The following KIF26B variants were observed in gnomAD, a reference collection of about 807,000 sequenced individuals.
The protein encoded by KIF26B is kinesin-like protein KIF26B.
Under a neutral mutation model 151.2 loss-of-function variants are expected in KIF26B, and 63 were observed. That is an observed-to-expected ratio of 0.42 (90% CI 0.34 to 0.51). The LOEUF is 0.51. Among genes scored for constraint, KIF26B ranks in the 20% least tolerant of loss-of-function variants. KIF26B has a pLI of 0.07. For missense variants in KIF26B, 2,813 were observed against 2,913.6 expected (o/e 0.97, Z 0.79); for synonymous variants, 1,357 against 1,262.1 (o/e 1.08, Z -1.59).
Position 245,707,459 on chromosome 1 carries a change from T to G in KIF26B, c.*4853T>G, listed in dbSNP as rs983111194. The G allele has an allele frequency of 1.3e-5, 2 of 152,264 alleles. No homozygotes were observed. The highest frequency in any genetic ancestry group is 2.9e-5 in the Non-Finnish European group (2 of 68,048). The allele number at this position is 152,264 out of a possible 1,614,324, so 9.4% of individuals were successfully genotyped here. ...TTTGATTTATGAAGAAGTTCTAATT[T>G]ATTTGTGAACTCAGGATGTTGCTTT... On this transcript the variant is annotated 3_prime_UTR_variant, in exon 15 of 15. Transcript: ENST00000407071.
At chr1:245,445,648 A>G (rs1659233664) in intron 4 of KIF26B, among the ~76,000 whole-genome samples, 2 of 152,244 alleles carry the variant, frequency 1.3e-5, no homozygotes, top group Non-Finnish European at 2.9e-5. Flanking sequence ...GATCATAAGC[A>G]TAGTGTATAC....
At chr1:245,372,249 C>A (rs139471260) in intron 3 of KIF26B, among the ~76,000 whole-genome samples, 8 of 152,150 alleles carry the variant, frequency 5.3e-5, no homozygotes, top group African/African-American at 1.9e-4. Context: ...AATCTAATGC[C>A]TGATGATCTG....
intron 2 of KIF26B, among the ~76,000 whole-genome samples, chr1:245,231,675 A>AAGG (rs980674506): frequency 6.6e-6 from 1 of 152,016 alleles, no homozygotes; most frequent in Non-Finnish European, 1.5e-5. Flanking sequence ...GATGAGGGAG[A>AAGG]AGGAGGAGGA....
At chr1:245,155,805 C>G (rs373308107) in intron 1 of KIF26B, among the ~76,000 whole-genome samples, 6 of 152,198 alleles carry the variant, frequency 3.9e-5, no homozygotes, top group African/African-American at 1.4e-4. Context: ...TACCTCGGAT[C>G]GTTTAGCTGG....
intron 2 of KIF26B, among the ~76,000 whole-genome samples, chr1:245,316,429 G>T (rs1345754063): frequency 6.6e-6 from 1 of 152,034 alleles, no homozygotes; most frequent in African/African-American, 2.4e-5. Context: ...CGGCCCCTGG[G>T]TGCTTCTTAT....
intron 10 of KIF26B, among the ~76,000 whole-genome samples, chr1:245,655,476 G>T (rs1043335402): frequency 6.6e-6 from 1 of 152,208 alleles, no homozygotes; most frequent in Non-Finnish European, 1.5e-5. Flanking sequence ...TTTATTCAAT[G>T]AGAGTTTGTG....
At chr1:245,409,492 T>C (rs1073276) in intron 3 of KIF26B, among the ~76,000 whole-genome samples, 34,954 of 151,998 alleles carry the variant, frequency 0.23, 6,221 homozygotes, top group African/African-American at 0.49. Context: ...CAAGGCAGAG[T>C]GCTGGAGGTA....
intron 7 of KIF26B, 36 bp from the exon 8 acceptor site, chr1:245,609,230 C>T (rs1286858537): frequency 1.3e-6 from 2 of 1,559,136 alleles, no homozygotes; most frequent in South Asian, 1.2e-5. Context: ...TGCCTGGACA[C>T]TGAACCTGCT....
intron 10 of KIF26B, among the ~76,000 whole-genome samples, chr1:245,666,398 CAAAAT>C (rs761269269): frequency 6.6e-5 from 10 of 152,030 alleles, no homozygotes; most frequent in Non-Finnish European, 1.3e-4. Flanking sequence ...AAATCCAGGA[CAAAAT>C]AAACCAGACA....
At chr1:245,701,296 G>A (rs1256879578) in intron 14 of KIF26B, among the ~76,000 whole-genome samples, 2 of 152,316 alleles carry the variant, frequency 1.3e-5, no homozygotes, top group East Asian at 3.9e-4. Context: ...CATGAGGCAG[G>A]GGACTGGCAT....
At chr1:245,216,937 T>C (rs1669658923) in intron 2 of KIF26B, among the ~76,000 whole-genome samples, 1 of 152,212 alleles carries the variant, frequency 6.6e-6, no homozygotes, top group Admixed American at 6.5e-5. Context: ...TGCTACTGCA[T>C]CTGTTAGAGA....
intron 2 of KIF26B, among the ~76,000 whole-genome samples, chr1:245,232,050 A>G (rs975333136): frequency 1.3e-5 from 2 of 152,252 alleles, no homozygotes; most frequent in African/African-American, 4.8e-5. Flanking sequence ...TGAACAAAAG[A>G]TGCAAAACTA....
chr1:245,221,446 C>T (rs1247221399), intron 2 of KIF26B, among the ~76,000 whole-genome samples: 2 of 150,132 alleles, frequency 1.3e-5, no homozygotes, highest in African/African-American at 4.9e-5. Context: ...TCACTGTTCT[C>T]ACCCAGGCTG....
chr1:245,668,042 C>T (rs1327152170), intron 10 of KIF26B, among the ~76,000 whole-genome samples: 3 of 152,280 alleles, frequency 2.0e-5, no homozygotes, highest in South Asian at 2.1e-4. Flanking sequence ...ATTACAGGCA[C>T]ACGCCACCAC....
At chr1:245,553,274 C>G (rs1299353268) in intron 5 of KIF26B, among the ~76,000 whole-genome samples, 1 of 152,162 alleles carries the variant, frequency 6.6e-6, no homozygotes, top group African/African-American at 2.4e-5. Context: ...CCTATGAACG[C>G]CAACTCTGGA....
intron 4 of KIF26B, among the ~76,000 whole-genome samples, chr1:245,532,026 T>G (rs900797375): frequency 6.6e-6 from 1 of 152,074 alleles, no homozygotes; most frequent in Non-Finnish European, 1.5e-5. Context: ...AGTTTGAGGC[T>G]GCAGTGGGCT....
At chr1:245,423,686 G>A (rs187771397) in intron 4 of KIF26B, among the ~76,000 whole-genome samples, 1 of 152,086 alleles carries the variant, frequency 6.6e-6, no homozygotes, top group Non-Finnish European at 1.5e-5. Flanking sequence ...CCTTTACACG[G>A]TGTTTTCCTG....
chr1:245,308,287 C>T (rs12750627), intron 2 of KIF26B, among the ~76,000 whole-genome samples: 5,358 of 152,176 alleles, frequency 0.035, 142 homozygotes, highest in Non-Finnish European at 0.054. Flanking sequence ...AGTTTGGTGA[C>T]GCCTGGAACA....
intron 10 of KIF26B, among the ~76,000 whole-genome samples, chr1:245,647,408 G>A (rs2043962319): frequency 8.6e-6 from 1 of 116,536 alleles, no homozygotes. Context: ...CTGGGCAACA[G>A]AGCGAGACTC....
Sources: gnomAD v4.1 joint callset for allele counts (sites outside exome capture counted in the v4.1 genomes callset) on GRCh38, gnomAD v4.1.1 for gene constraint, MANE v1.5 for transcripts, NCBI Gene and HGNC (gene_info 2026-07-23, HGNC 2026-07-21) for gene names.